Variants in PALLD observed in about 807,000 individuals in gnomAD.
PALLD encodes palladin, cytoskeletal associated protein, also known as palladin.
Under a neutral mutation model 123.5 loss-of-function variants are expected in PALLD, and 61 were observed. The ratio of observed to expected loss-of-function variants is 0.49; its 90% CI spans 0.40 to 0.61. The LOEUF is 0.61. PALLD is among the 20% of genes least tolerant of loss of function. The pLI is 0.00. For missense variants in PALLD, 1,273 were observed against 1,377.0 expected (o/e 0.92, Z 1.20); for synonymous variants, 465 against 496.4 (o/e 0.94, Z 0.84).
At chr4:168,877,991 C>A (rs1452134652) in intron 10 of PALLD, 2 of 1,500,182 alleles carry the variant, frequency 1.3e-6, no homozygotes, top group Non-Finnish European at 1.8e-6. Flanking sequence ...GAACCTCGGG[C>A]CCGCGTCGGG....
intron 5 of PALLD, among the ~76,000 whole-genome samples, chr4:168,684,653 C>A (rs1482300439): frequency 6.6e-6 from 1 of 152,124 alleles, no homozygotes; most frequent in Non-Finnish European, 1.5e-5. Context: ...ATTCTTGGGA[C>A]ATAAAAAGAC....
intron 5 of PALLD, among the ~76,000 whole-genome samples, chr4:168,684,105 T>C (rs1159636676): frequency 1.3e-5 from 2 of 152,178 alleles, no homozygotes; most frequent in African/African-American, 4.8e-5. Flanking sequence ...TAAATATTTA[T>C]TGAGTGCTTA....
chr4:168,655,418 A>G (rs1448720040), intron 2 of PALLD, among the ~76,000 whole-genome samples: 1 of 152,210 alleles, frequency 6.6e-6, no homozygotes, highest in African/African-American at 2.4e-5. Context: ...CTCAGAGACC[A>G]CACTAGCCAC....
intron 2 of PALLD, among the ~76,000 whole-genome samples, chr4:168,553,686 T>TTTGTTG (rs147504799): frequency 6.6e-6 from 1 of 151,762 alleles, no homozygotes; most frequent in African/African-American, 2.4e-5. Flanking sequence ...TTTACCCATT[T>TTTGTTG]TTGTTGTTGT....
At chr4:168,896,712 C>G (rs1463920258) in intron 13 of PALLD, 113 bp downstream of exon 13, 1 of 668,774 alleles carries the variant, frequency 1.5e-6, no homozygotes, top group African/African-American at 1.8e-5. Context: ...ATTATAAATG[C>G]TATGACCAGT....
At chr4:168,527,327 C>A (rs1764147428) in intron 2 of PALLD, among the ~76,000 whole-genome samples, 1 of 146,706 alleles carries the variant, frequency 6.8e-6, no homozygotes, top group African/African-American at 2.5e-5. Flanking sequence ...GAGGCTGAGG[C>A]AGGAGAATCG....
At chr4:168,637,622 C>T (rs934183976) in intron 2 of PALLD, among the ~76,000 whole-genome samples, 8 of 151,956 alleles carry the variant, frequency 5.3e-5, no homozygotes, top group Non-Finnish European at 8.8e-5. Flanking sequence ...GTGAAATGGG[C>T]TAACAATAGC....
chr4:168,655,456 G>A (rs971341796), intron 2 of PALLD, among the ~76,000 whole-genome samples: 20 of 152,160 alleles, frequency 1.3e-4, no homozygotes, highest in Non-Finnish European at 4.4e-5. Context: ...TTAGACTAGA[G>A]CCAGGACTCT....
intron 1 of PALLD, among the ~76,000 whole-genome samples, chr4:168,499,892 T>C (rs575250949): frequency 5.9e-5 from 6 of 101,700 alleles, no homozygotes; most frequent in African/African-American, 2.5e-4. Flanking sequence ...ATTGTAGCAG[T>C]TCTTCATCGA....
At chr4:168,719,993 G>T (rs532149634) in intron 10 of PALLD, among the ~76,000 whole-genome samples, 2 of 152,246 alleles carry the variant, frequency 1.3e-5, no homozygotes, top group South Asian at 2.1e-4. Flanking sequence ...ATGGGCATTA[G>T]GTTGATTCCA....
chr4:168,798,751 A>T (rs1738877656), intron 10 of PALLD, among the ~76,000 whole-genome samples: 1 of 152,200 alleles, frequency 6.6e-6, no homozygotes, highest in South Asian at 2.1e-4. Context: ...AATTTTTTCA[A>T]AATATATGTA....
chr4:168,521,119 G>C (rs1342496381), intron 2 of PALLD, among the ~76,000 whole-genome samples: 24 of 152,050 alleles, frequency 1.6e-4, no homozygotes, highest in Admixed American at 1.6e-3. Context: ...AGTCAGTCTT[G>C]TGCCATAGAT....
chr4:168,898,269 C>G, intron 13 of PALLD: 1 of 572,954 alleles, frequency 1.7e-6, no homozygotes, highest in Non-Finnish European at 3.1e-6. Context: ...CTTTCCTACC[C>G]CCCTCTTTTT....
intron 10 of PALLD, among the ~76,000 whole-genome samples, chr4:168,753,639 C>T (rs1252997153): frequency 6.6e-6 from 1 of 152,168 alleles, no homozygotes; most frequent in African/African-American, 2.4e-5. Flanking sequence ...TGGCTTCCTA[C>T]GTGCACCCTC....
At chr4:168,901,762 G>T (rs1196092957) in intron 14 of PALLD, among the ~76,000 whole-genome samples, 1 of 152,124 alleles carries the variant, frequency 6.6e-6, no homozygotes, top group Non-Finnish European at 1.5e-5. Flanking sequence ...GGAGGCTGAG[G>T]CAAGAGATTC....
At chr4:168,677,705 G>C (rs1781002159) in intron 3 of PALLD, among the ~76,000 whole-genome samples, 1 of 152,000 alleles carries the variant, frequency 6.6e-6, no homozygotes, top group Non-Finnish European at 1.5e-5. Context: ...CGCCTTCACT[G>C]GCTTTTCCTC....
chr4:168,881,996 C>G (rs1174650010), intron 10 of PALLD, among the ~76,000 whole-genome samples: 1 of 152,206 alleles, frequency 6.6e-6, no homozygotes, highest in East Asian at 1.9e-4. Flanking sequence ...TCTTCACATT[C>G]TTGGAATCTG....
At chr4:168,520,268 G>A (rs1256568210) in intron 2 of PALLD, among the ~76,000 whole-genome samples, 2 of 146,094 alleles carry the variant, frequency 1.4e-5, no homozygotes, top group Non-Finnish European at 3.0e-5. Context: ...GGAGCTTACA[G>A]TGAGCCAAGA....
At chr4:168,769,706 C>T (rs1734140042) in intron 10 of PALLD, among the ~76,000 whole-genome samples, 1 of 152,180 alleles carries the variant, frequency 6.6e-6, no homozygotes, top group African/African-American at 2.4e-5. Flanking sequence ...TTGGGTCTCC[C>T]TCTGTGGTGA....
Sources: allele counts gnomAD v4.1 joint callset (sites outside exome capture counted in the v4.1 genomes callset), GRCh38; gene constraint gnomAD v4.1.1; transcripts MANE v1.5; gene names NCBI Gene and HGNC (gene_info 2026-07-23, HGNC 2026-07-21).